The following KCNIP4 variants were observed in gnomAD, a reference collection of about 807,000 sequenced individuals.
KCNIP4 encodes Kv channel-interacting protein 4.
In KCNIP4, 12 loss-of-function variants were observed where a neutral mutation model predicts 34.0. The observed-to-expected ratio is 0.35, with a 90% CI of 0.23 to 0.57. The LOEUF (loss-of-function observed/expected upper bound fraction) is 0.57. KCNIP4 is among the 20% of genes least tolerant of loss of function. KCNIP4 has a pLI of 0.83. For synonymous variants in KCNIP4, 124 were observed against 102.2 expected (o/e 1.21, Z -1.29); for missense variants, 238 against 311.7 (o/e 0.76, Z 1.78).
intron 1 of KCNIP4, among the ~76,000 whole-genome samples, chr4:21,134,094 C>T (rs1751311361): frequency 6.6e-6 from 1 of 152,252 alleles, no homozygotes. Context: ...TAAATTTGTT[C>T]TGAGGTCTCC....
At chr4:21,568,415 T>C (rs1006465552) in intron 1 of KCNIP4, among the ~76,000 whole-genome samples, 2 of 152,102 alleles carry the variant, frequency 1.3e-5, no homozygotes, top group African/African-American at 4.8e-5. Flanking sequence ...CTTGATTGAA[T>C]TGAAGGATGC....
At chr4:21,123,602 A>G (rs1315319511) in intron 1 of KCNIP4, among the ~76,000 whole-genome samples, 1 of 152,244 alleles carries the variant, frequency 6.6e-6, no homozygotes, top group Non-Finnish European at 1.5e-5. Flanking sequence ...TATTAAAATA[A>G]TGATATAAAA....
chr4:21,773,491 G>C (rs1316563845), intron 1 of KCNIP4, among the ~76,000 whole-genome samples: 1 of 152,098 alleles, frequency 6.6e-6, no homozygotes, highest in Non-Finnish European at 1.5e-5. Context: ...GTTTCTCTTT[G>C]ATCTGTCTAA....
chr4:21,069,536 C>G (rs576448024), intron 1 of KCNIP4, among the ~76,000 whole-genome samples: 1 of 152,006 alleles, frequency 6.6e-6, no homozygotes. Flanking sequence ...TTCACTTGCC[C>G]GGAGAAGAGG....
At chr4:20,788,400 T>C (rs1469599307) in intron 3 of KCNIP4, among the ~76,000 whole-genome samples, 2 of 152,172 alleles carry the variant, frequency 1.3e-5, no homozygotes, top group Non-Finnish European at 2.9e-5. Flanking sequence ...TGGATCCCAG[T>C]CAGCAAACAA....
At chr4:20,876,333 A>T (rs1724024639) in intron 2 of KCNIP4, among the ~76,000 whole-genome samples, 1 of 152,150 alleles carries the variant, frequency 6.6e-6, no homozygotes, top group African/African-American at 2.4e-5. Flanking sequence ...GCATAGAGAG[A>T]TAAAGTGAGT....
chr4:21,370,848 TATACAC>T (rs1277756921), intron 1 of KCNIP4, among the ~76,000 whole-genome samples: 5 of 21,434 alleles, frequency 2.3e-4, no homozygotes, highest in Non-Finnish European at 3.3e-4. Flanking sequence ...TATATATATA[TATACAC>T]ACACACACAC....
chr4:21,914,976 T>C (rs1996131), intron 1 of KCNIP4, among the ~76,000 whole-genome samples: 34,245 of 151,664 alleles, frequency 0.23, 4,742 homozygotes, highest in South Asian at 0.31. Context: ...ACACACAAAT[T>C]AAAAACAGAA....
At chr4:21,341,072 G>A (rs1047476051) in intron 1 of KCNIP4, among the ~76,000 whole-genome samples, 14 of 151,980 alleles carry the variant, frequency 9.2e-5, no homozygotes, top group African/African-American at 2.7e-4. Flanking sequence ...AACACACAGC[G>A]GAAGGAAAGC....
chr4:20,782,535 G>T (rs541668923), intron 3 of KCNIP4, among the ~76,000 whole-genome samples: 87 of 152,266 alleles, frequency 5.7e-4, no homozygotes, highest in African/African-American at 1.9e-3. Context: ...CATGGAAGCT[G>T]CCAGGGCTTA....
chr4:21,352,021 C>G (rs1718052058), intron 1 of KCNIP4, among the ~76,000 whole-genome samples: 1 of 152,046 alleles, frequency 6.6e-6, no homozygotes, highest in Non-Finnish European at 1.5e-5. Flanking sequence ...TGTCCTGAGG[C>G]CATTTGGTTG....
chr4:21,661,884 C>T (rs1241774615), intron 1 of KCNIP4, among the ~76,000 whole-genome samples: 2 of 152,156 alleles, frequency 1.3e-5, no homozygotes, highest in African/African-American at 4.8e-5. Flanking sequence ...GTAAAAGTAA[C>T]TAAACGTCCT....
At chr4:21,352,349 G>A (rs1718092123) in intron 1 of KCNIP4, among the ~76,000 whole-genome samples, 1 of 152,176 alleles carries the variant, frequency 6.6e-6, no homozygotes, top group South Asian at 2.1e-4. Context: ...AGTGCAAGGG[G>A]TCAGGAGATT....
chr4:21,296,170 T>A (rs887012093), intron 1 of KCNIP4, among the ~76,000 whole-genome samples: 1 of 152,134 alleles, frequency 6.6e-6, no homozygotes, highest in Non-Finnish European at 1.5e-5. Context: ...AGAACGGAAA[T>A]GAATTGTTCT....
At chr4:20,910,482 G>A (rs1434965709) in intron 1 of KCNIP4, among the ~76,000 whole-genome samples, 1 of 152,116 alleles carries the variant, frequency 6.6e-6, no homozygotes, top group Non-Finnish European at 1.5e-5. Context: ...CCAGGATGAG[G>A]AAAGTGAAAC....
chr4:21,146,830 T>A (rs762014681), intron 1 of KCNIP4, among the ~76,000 whole-genome samples: 1 of 152,188 alleles, frequency 6.6e-6, no homozygotes, highest in Non-Finnish European at 1.5e-5. Context: ...ATAATTGAAG[T>A]CATAGAAAAG....
At chr4:21,505,655 T>C (rs1733784008) in intron 1 of KCNIP4, among the ~76,000 whole-genome samples, 1 of 152,182 alleles carries the variant, frequency 6.6e-6, no homozygotes, top group African/African-American at 2.4e-5. Context: ...CAACTTCCCC[T>C]GACTTTCAGC....
At chr4:21,188,080 C>T (rs889459824) in intron 1 of KCNIP4, among the ~76,000 whole-genome samples, 1 of 152,278 alleles carries the variant, frequency 6.6e-6, no homozygotes, top group Non-Finnish European at 1.5e-5. Context: ...GTCAACAGAT[C>T]AGTATTTACT....
At chr4:21,768,116 G>A (rs1290874638) in intron 1 of KCNIP4, among the ~76,000 whole-genome samples, 1 of 152,016 alleles carries the variant, frequency 6.6e-6, no homozygotes, top group Non-Finnish European at 1.5e-5. Flanking sequence ...CCAAGCAAGA[G>A]CTTCTAAATT....
Sources: allele counts gnomAD v4.1 joint callset (sites outside exome capture counted in the v4.1 genomes callset), GRCh38; gene constraint gnomAD v4.1.1; transcripts MANE v1.5; gene names NCBI Gene and HGNC (gene_info 2026-07-23, HGNC 2026-07-21).